SLC8A3: variants seen among roughly 807,000 people sequenced by gnomAD.
SLC8A3 encodes the protein sodium/calcium exchanger 3.
SLC8A3 carries 37 observed loss-of-function variants against 65.4 expected under a neutral mutation model. The observed-to-expected ratio is 0.57, with a 90% CI of 0.44 to 0.74. The LOEUF is 0.74. Among genes scored for constraint, SLC8A3 ranks in the 30% least tolerant of loss-of-function variants. SLC8A3 has a pLI of 0.00. For missense variants in SLC8A3, 1,112 were observed against 1,172.1 expected, an observed-to-expected ratio of 0.95 and a Z score of 0.75; for synonymous variants, 461 against 444.5, an observed-to-expected ratio of 1.04 and a Z score of -0.47.
chr14:70,063,439 GC>G (rs1379270291), intron 2 of SLC8A3, among the ~76,000 whole-genome samples: 2 of 152,210 alleles, frequency 1.3e-5, no homozygotes, highest in Non-Finnish European at 2.9e-5. Flanking sequence ...TCTGTCTGGT[GC>G]TGGGCTATGT....
intron 2 of SLC8A3, among the ~76,000 whole-genome samples, chr14:70,159,012 T>G (rs1896732959): frequency 6.6e-6 from 1 of 152,198 alleles, no homozygotes; most frequent in Admixed American, 6.5e-5. Context: ...ATCAAGGAGC[T>G]CTCTTTCTTC....
At chr14:70,144,926 C>T (rs1016130859) in intron 2 of SLC8A3, among the ~76,000 whole-genome samples, 1 of 152,076 alleles carries the variant, frequency 6.6e-6, no homozygotes, top group African/African-American at 2.4e-5. Flanking sequence ...TTTGATGTCT[C>T]CTGACACACT....
rs74062811 is a variant in SLC8A3, at chr14:70,155,743, A to T, written c.1784+10896T>A. ...AACCAAAGCTGTGCCCATTCTTTCC[A>T]GCATGTTCTGATCCCCTTACGGAGT... On this transcript the variant is annotated intron_variant, in intron 2 of 6. Transcript: ENST00000356921. Among the ~76,000 whole-genome samples, 1,429 of 152,344 alleles carry T rather than the reference A, an allele frequency of 9.4e-3. 19 individuals are homozygous for T. The highest frequency in any genetic ancestry group is 0.032 in the African/African-American group (1,311 of 41,572).
chr14:70,153,926 G>A (rs1051997784), intron 2 of SLC8A3, among the ~76,000 whole-genome samples: 1 of 152,202 alleles, frequency 6.6e-6, no homozygotes, highest in Non-Finnish European at 1.5e-5. Context: ...CCAGGCAGCC[G>A]GCCAAAGCAT....
intron 2 of SLC8A3, among the ~76,000 whole-genome samples, chr14:70,144,317 T>G (rs1182944434): frequency 2.3e-4 from 33 of 140,878 alleles, no homozygotes; most frequent in South Asian, 9.0e-4. Flanking sequence ...TGTTTTTTTT[T>G]TTTTTTTTTT....
At chr14:70,115,448 C>T (rs8018125) in intron 2 of SLC8A3, among the ~76,000 whole-genome samples, 4 of 152,278 alleles carry the variant, frequency 2.6e-5, no homozygotes, top group East Asian at 1.9e-4. Context: ...CCCATTGCCT[C>T]GGTTTTCCCT....
At chr14:70,158,544 A>G (rs1474124047) in intron 2 of SLC8A3, among the ~76,000 whole-genome samples, 1 of 152,180 alleles carries the variant, frequency 6.6e-6, no homozygotes, top group Non-Finnish European at 1.5e-5. Context: ...TAAAGAACCT[A>G]CAATAGAGTG....
rs146667275 is a variant in SLC8A3 at position 70,167,697 on chromosome 14, T to C, written c.726A>G (p.Pro242=). The C allele has an allele frequency of 8.1e-6, 13 of 1,613,508 alleles. No homozygotes were observed. The African/African-American group carries it at 1.5e-4, about 18-fold the overall frequency. ...WEGLLTLFFF[P]VCVLLAWVAD... Reference sequence around the variant, plus strand: ...CCACCCAGGCCAGAAGGACACACACTGGAAAGAAGAAGAGAGTGAGGAGGC... The same window carrying C: ...CCACCCAGGCCAGAAGGACACACACCGGAAAGAAGAAGAGAGTGAGGAGGC... Residue 242 remains proline (P), a synonymous_variant, in exon 2 of 7, where the codon CCA becomes CCG. Coordinates refer to ENST00000356921, the MANE Select transcript of SLC8A3 (RefSeq NM_182932.3).
chr14:70,098,652 C>T (rs1436513578), intron 2 of SLC8A3, among the ~76,000 whole-genome samples: 3 of 152,312 alleles, frequency 2.0e-5, no homozygotes, highest in Middle Eastern at 3.4e-3. Context: ...GTCAGCTGTC[C>T]TGGTCAGCAG....
In SLC8A3 at chr14:70,167,945, A is replaced by C; in HGVS notation, c.478T>G (p.Phe160Val). Residue 160 changes from phenylalanine to valine, a missense_variant, in exon 2 of 7, where the codon TTC becomes GTC. Phe to Val is a conservative substitution (Grantham distance 50, BLOSUM62 -1). Transcript: ENST00000356921. ...GAAGGTCCCAGATCACCAGCAATGAACCCATGACCACACACCTCAATTAAA... is the reference window on the plus strand; with the variant it reads ...GAAGGTCCCAGATCACCAGCAATGACCCCATGACCACACACCTCAATTAAA... ...LSLIEVCGHG[F>V]IAGDLGPSTI... The C allele has an allele frequency of 1.2e-6, 2 of 1,614,122 alleles. No individual in the cohort carries two copies. The highest frequency in any genetic ancestry group is 4.5e-5 in the East Asian group (2 of 44,874).
chr14:70,054,971 C>T (rs946348299), intron 3 of SLC8A3, among the ~76,000 whole-genome samples: 2 of 151,968 alleles, frequency 1.3e-5, no homozygotes, highest in Non-Finnish European at 1.5e-5. Flanking sequence ...CTTGTGTAGG[C>T]CACTCTGCTT....
At chr14:70,113,480 C>T (rs571356114) in intron 2 of SLC8A3, among the ~76,000 whole-genome samples, 2 of 152,276 alleles carry the variant, frequency 1.3e-5, no homozygotes, top group South Asian at 2.1e-4. Context: ...CTAGAACTGG[C>T]CTGACCAGTA....
At chr14:70,063,881 G>A in intron 2 of SLC8A3, 1 of 1,612,674 alleles carries the variant, frequency 6.2e-7, no homozygotes, top group Non-Finnish European at 8.5e-7. Context: ...AGTAATTCTT[G>A]TTTTTCTCAT....
intron 2 of SLC8A3, among the ~76,000 whole-genome samples, chr14:70,092,210 C>T (rs1473443511): frequency 6.6e-6 from 1 of 152,184 alleles, no homozygotes; most frequent in Non-Finnish European, 1.5e-5. Context: ...TATTCTTCTG[C>T]ATTTTTGCTT....
intron 2 of SLC8A3, among the ~76,000 whole-genome samples, chr14:70,142,968 A>G: frequency 6.6e-6 from 1 of 152,180 alleles, no homozygotes; most frequent in South Asian, 2.1e-4. Context: ...TCGTTATTTT[A>G]TTATTGAGCA....
At chr14:70,079,444 C>T (rs1003920714) in intron 2 of SLC8A3, among the ~76,000 whole-genome samples, 1 of 151,696 alleles carries the variant, frequency 6.6e-6, no homozygotes, top group African/African-American at 2.4e-5. Context: ...CAGAGGTTAC[C>T]GTGAGCTGAG....
chr14:70,158,367 G>T lies in SLC8A3; in HGVS notation c.1784+8272C>A, dbSNP rs1035617319. Reference sequence around the variant, plus strand: ...TTGGTGAAGGTCATGTGGAATACATGGGGAGAAACCTAAAAGGTCGACAAA... The same window carrying T: ...TTGGTGAAGGTCATGTGGAATACATTGGGAGAAACCTAAAAGGTCGACAAA... On this transcript the variant is annotated intron_variant, in intron 2 of 6. Coordinates refer to ENST00000356921, the MANE Select transcript of SLC8A3 (RefSeq NM_182932.3). Among the ~76,000 whole-genome samples, 6 of 152,280 alleles carry T rather than the reference G, an allele frequency of 3.9e-5. No individual in the cohort carries two copies. In the South Asian group the frequency reaches 8.3e-4, roughly 21 times the overall value.
intron 2 of SLC8A3, among the ~76,000 whole-genome samples, chr14:70,146,652 G>A (rs1419236888): frequency 3.9e-5 from 6 of 152,180 alleles, no homozygotes; most frequent in Non-Finnish European, 8.8e-5. Context: ...CATATTCATA[G>A]CTGAAGTGGA....
At chr14:70,157,347 A>C (rs906166198) in intron 2 of SLC8A3, among the ~76,000 whole-genome samples, 1 of 151,810 alleles carries the variant, frequency 6.6e-6, no homozygotes, top group Non-Finnish European at 1.5e-5. Flanking sequence ...TCAATTTCCC[A>C]CTCCATCATT....
Sources: gnomAD v4.1 joint callset for allele counts (sites outside exome capture counted in the v4.1 genomes callset) on GRCh38, gnomAD v4.1.1 for gene constraint, MANE v1.5 for transcripts, NCBI Gene and HGNC (gene_info 2026-07-23, HGNC 2026-07-21) for gene names.